The following CTR9 variants were observed in gnomAD, a reference collection of about 807,000 sequenced individuals.
CTR9 encodes CTR9 component of Paf1/RNA polymerase II complex, also known as RNA polymerase-associated protein CTR9 homolog.
CTR9 carries 41 observed loss-of-function variants against 152.1 expected under a neutral mutation model. The observed-to-expected ratio is 0.27, with a 90% CI of 0.21 to 0.35. The LOEUF is 0.35. CTR9 is among the 10% of genes least tolerant of loss of function. The pLI, the probability that CTR9 is intolerant of heterozygous loss-of-function variation, is 1.00. For missense variants in CTR9, 917 were observed against 1,424.4 expected, an observed-to-expected ratio of 0.64 and a Z score of 5.73; for synonymous variants, 476 against 496.2, an observed-to-expected ratio of 0.96 and a Z score of 0.54.
rs551705643 is a variant in CTR9 at position 10,775,107 on chromosome 11, T to C, written c.2886-100T>C. 5.1e-4 allele frequency: 459 copies of C among 904,160 alleles called. 5 individuals carry two copies. In the South Asian group the frequency reaches 6.7e-3, roughly 13 times the overall value. 56.0% of individuals were successfully genotyped at this position (904,160 alleles called of 1,614,324 possible). ...AGTATGATTGAGGACAGCACCCATA[T>C]AGAAGAGGATTCAGAATGAATAATA... On this transcript the variant is annotated intron_variant, in intron 22 of 24. Transcript: ENST00000361367.
chr11:10,770,949 T>G (rs1192483608), intron 18 of CTR9, among the ~76,000 whole-genome samples: 2 of 152,254 alleles, frequency 1.3e-5, no homozygotes, highest in Non-Finnish European at 2.9e-5. Context: ...GACAGTAATG[T>G]GACCCAGCAT....
At chr11:10,756,110 C>T (rs1361939381) in intron 4 of CTR9, among the ~76,000 whole-genome samples, 2 of 152,090 alleles carry the variant, frequency 1.3e-5, no homozygotes, top group Non-Finnish European at 2.9e-5. Flanking sequence ...GAGTTCAAGA[C>T]GAGCTGGGGC....
At chr11:10,771,349 T>A (rs1863140252) in intron 18 of CTR9, among the ~76,000 whole-genome samples, 196 bp from the exon 19 acceptor site, 1 of 152,240 alleles carries the variant, frequency 6.6e-6, no homozygotes, top group Non-Finnish European at 1.5e-5. Flanking sequence ...TTTGTGAATT[T>A]ACTGATAATA....
At position 10,763,977 on chromosome 11, in the gene CTR9, C is replaced by G. The variant is rs950796832; in HGVS notation, c.1194+98C>G. Reference sequence around the variant, plus strand: ...ATTGCTAGTAGAAATATGATAGAAACAGTTTTGTTAGCTGAGCTTGTTCCA... The same window carrying G: ...ATTGCTAGTAGAAATATGATAGAAAGAGTTTTGTTAGCTGAGCTTGTTCCA... On this transcript the variant is annotated intron_variant, in intron 9 of 24. Coordinates refer to ENST00000361367, the MANE Select transcript of CTR9 (RefSeq NM_014633.5). 6 of 1,327,102 alleles carry G rather than the reference C, an allele frequency of 4.5e-6. No homozygotes were observed. In the African/African-American group the frequency reaches 7.4e-5, roughly 16 times the overall value. 82.2% of individuals were successfully genotyped at this position (1,327,102 alleles called of 1,614,324 possible). A position where few individuals can be genotyped will look rare whatever the true frequency, so the allele number is the denominator to read the frequency against.
At chr11:10,752,527 A>C (rs533330669) in intron 1 of CTR9, 145 bp from the exon 2 acceptor site, 2 of 601,660 alleles carry the variant, frequency 3.3e-6, no homozygotes, top group African/African-American at 1.9e-5. Context: ...TGCTCCTTAA[A>C]CATTAACATG....
At chr11:10,777,666 A>G (rs532609176) in intron 24 of CTR9, among the ~76,000 whole-genome samples, 33 of 152,364 alleles carry the variant, frequency 2.2e-4, no homozygotes, top group African/African-American at 6.7e-4. Context: ...TGTTTGAGCC[A>G]CTTGCATCAG....
chr11:10,764,772 T>C, intron 12 of CTR9, 41 bp downstream of exon 12: 1 of 1,507,092 alleles, frequency 6.6e-7, no homozygotes, highest in Non-Finnish European at 9.0e-7. Context: ...AATCCGTTCA[T>C]TCCCACAAGA....
In CTR9 at chr11:10,767,658, CA is replaced by C. The variant is rs201006625; in HGVS notation, c.1687-137del. On this transcript the variant is annotated intron_variant, in intron 13 of 24. Transcript: ENST00000361367. This position sits in a 1 kb window ranked among gnomAD's most constrained non-coding sequence, Gnocchi z 4.0. ...AGTTCGATAAATTTGGATTGCCATG[CA>C]AAAAAAAAAAGAAAGAAAGAAAAGA... is the stretch of plus-strand genomic sequence containing the variant. The C allele has an allele frequency of 0.11, 53,752 of 508,812 alleles. 31 individuals are homozygous for C. The highest frequency in any genetic ancestry group is 0.15 in the South Asian group (5,099 of 34,750). 31.5% of individuals were successfully genotyped at this position (508,812 alleles called of 1,614,324 possible).
chr11:10,773,976 A>G (rs1863187847), intron 21 of CTR9, 36 bp from the exon 22 acceptor site: 1 of 1,509,956 alleles, frequency 6.6e-7, no homozygotes, highest in African/African-American at 1.4e-5. Context: ...TCCACCAACC[A>G]GGAAATAACT....
At chr11:10,772,478 T>C (rs754056241) in intron 19 of CTR9, 42 bp from the exon 20 acceptor site, 5 of 1,366,498 alleles carry the variant, frequency 3.7e-6, no homozygotes, top group Admixed American at 5.7e-5. Flanking sequence ...TTTTTTAATA[T>C]AGTAGTTACA....
rs1412925462 is a variant in CTR9, at chr11:10,772,592, G to A, written c.2517G>A (p.Arg839=). 1 of 1,612,056 alleles carries A rather than the reference G, an allele frequency of 6.2e-7. No individual in the cohort carries two copies. The highest frequency in any genetic ancestry group is 8.5e-7 in the Non-Finnish European group (1 of 1,178,984). The change falls in exon 20 of 25, where the codon CGG becomes CGA. Residue 839 remains arginine, a synonymous_variant. Coordinates refer to ENST00000361367, the MANE Select transcript of CTR9 (RefSeq NM_014633.5). ...CACGCAAACAAGATGAAGAAGAGCG[G>A]GAGCTGCGGGCCAAGCAAGAGCAAG... ...ARARKQDEEE[R]ELRAKQEQEK... is the part of the protein sequence containing the mutation.
Position 10,779,017 on chromosome 11 carries a change from A to C in CTR9, c.3434A>C (p.Gln1145Pro). 6.2e-7 allele frequency: 1 copy of C among 1,614,186 alleles called. No homozygotes were observed. Among genetic ancestry groups the C allele is most frequent in the Non-Finnish European group, 8.5e-7 (1 of 1,180,042 alleles). Residue 1145 changes from glutamine to proline, a missense_variant, in exon 25 of 25, where the codon CAA becomes CCA. Transcript: ENST00000361367. ...GGATCTGATAATGAGGGTTCTGGCC[A>C]AGGCTCTGGAAATGAATCGGAACCA... ...ERGSDNEGSG[Q>P]GSGNESEPEG...
At position 10,764,777 on chromosome 11, in the gene CTR9, A is replaced by G. The variant is rs1263856976; in HGVS notation, c.1597+46A>G. On this transcript the variant is annotated intron_variant, in intron 12 of 24. Coordinates refer to ENST00000361367, the MANE Select transcript of CTR9 (RefSeq NM_014633.5). ...TATGTAATGAAATCCGTTCATTCCCACAAGAGCAGCAAAAATTTAGCCTGA... is the reference window on the plus strand; with the variant it reads ...TATGTAATGAAATCCGTTCATTCCCGCAAGAGCAGCAAAAATTTAGCCTGA... The G allele has an allele frequency of 7.5e-6, 11 of 1,468,692 alleles. No homozygotes were observed. In the Admixed American group the frequency reaches 8.8e-5, roughly 12 times the overall value. 91.0% of individuals were successfully genotyped at this position (1,468,692 alleles called of 1,614,324 possible). A position where few individuals can be genotyped will look rare whatever the true frequency, so the allele number is the denominator to read the frequency against.
intron 20 of CTR9, 52 bp from the exon 21 acceptor site, chr11:10,773,075 C>A: frequency 6.4e-7 from 1 of 1,565,082 alleles, no homozygotes; most frequent in Non-Finnish European, 8.6e-7. Flanking sequence ...ATTAATTTTT[C>A]ATCATAAGAA....
At chr11:10,760,445 T>A in intron 6 of CTR9, 124 bp downstream of exon 6, 1 of 896,762 alleles carries the variant, frequency 1.1e-6, no homozygotes, top group Non-Finnish European at 1.7e-6. Flanking sequence ...AGGGTACCTG[T>A]ACTTTGTAAT....
At chr11:10,754,893 T>G in intron 2 of CTR9, 65 bp from the exon 3 acceptor site, 1 of 1,510,942 alleles carries the variant, frequency 6.6e-7, no homozygotes, top group Non-Finnish European at 8.9e-7. Context: ...GCTGTAAACA[T>G]TTGTGTACAA....
chr11:10,764,135 A>G lies in CTR9; in HGVS notation c.1218A>G (p.Glu406=), dbSNP rs751566170. The part of the protein sequence containing the change: ...IAKGHLKKVT[E]QYPDDVEAWI... ...AGGGCCATTTGAAGAAGGTCACAGA[A>G]CAGTATCCCGATGATGTTGAAGCTT... Residue 406 remains glutamate (E), a synonymous_variant, in exon 10 of 25, where the codon GAA becomes GAG. Transcript: ENST00000361367. The G allele has an allele frequency of 3.2e-5, 51 of 1,614,194 alleles. No homozygotes were observed. Among genetic ancestry groups the G allele is most frequent in the Non-Finnish European group, 4.3e-5 (51 of 1,180,006 alleles).
chr11:10,755,588 G>T lies in CTR9; in HGVS notation c.385-90G>T, dbSNP rs867816163. 26 of 758,542 alleles carry T rather than the reference G, an allele frequency of 3.4e-5. No individual in the cohort carries two copies. In the Middle Eastern group the frequency reaches 1.9e-3, roughly 56 times the overall value. 47.0% of individuals were successfully genotyped at this position (758,542 alleles called of 1,614,324 possible). ...CATTTGATAGGGGAATTTGCACTGTGCTCCACCTCCTTCCTATTTGGTTTT... is the reference window on the plus strand; with the variant it reads ...CATTTGATAGGGGAATTTGCACTGTTCTCCACCTCCTTCCTATTTGGTTTT... On this transcript the variant is annotated intron_variant, in intron 3 of 24. Transcript: ENST00000361367.
rs1169119619 is a variant in CTR9 at position 10,774,043 on chromosome 11, T to A, written c.2759T>A (p.Phe920Tyr). 1.2e-6 allele frequency: 2 copies of A among 1,612,668 alleles called. No individual in the cohort carries two copies. The highest frequency in any genetic ancestry group is 8.5e-7 in the Non-Finnish European group (1 of 1,179,494). The change falls in exon 22 of 25, where the codon TTT (phenylalanine) becomes TAT (tyrosine). Residue 920 changes from phenylalanine to tyrosine, a missense_variant. This residue lies in a region of CTR9 where 384 missense variants were observed against 398.4 expected (regional missense o/e 0.96). Coordinates refer to ENST00000361367, the MANE Select transcript of CTR9 (RefSeq NM_014633.5). Reference protein sequence around the residue: ...RSKKGGEFDEFVNDDTDDDLP... With the variant: ...RSKKGGEFDEYVNDDTDDDLP... ...AAGAAGGGAGGAGAGTTTGATGAAT[T>A]TGTCAATGATGACACTGATGATGAC...
Sources: allele counts gnomAD v4.1 joint callset (sites outside exome capture counted in the v4.1 genomes callset), GRCh38; gene constraint gnomAD v4.1.1; regional missense constraint gnomAD v4.1.1; non-coding constraint Gnocchi (gnomAD v3.1); transcripts MANE v1.5; gene names NCBI Gene and HGNC (gene_info 2026-07-23, HGNC 2026-07-21).